The following WASHC2C variants were observed in gnomAD, a reference collection of about 807,000 sequenced individuals.
The protein encoded by WASHC2C is Vaccinia Penetration Factor.
Under a neutral mutation model 142.2 loss-of-function variants are expected in WASHC2C, and 73 were observed. The ratio of observed to expected loss-of-function variants is 0.51; its 90% CI spans 0.43 to 0.62. The LOEUF is 0.62. WASHC2C is among the 20% of genes least tolerant of loss of function. WASHC2C has a pLI of 0.00. For missense variants in WASHC2C, 969 were observed against 1,531.7 expected, an observed-to-expected ratio of 0.63 and a Z score of 6.13; for synonymous variants, 337 against 565.5, an observed-to-expected ratio of 0.60 and a Z score of 5.73.
At chr10:45,750,254 T>C in intron 9 of WASHC2C, 48 bp downstream of exon 9, 2 of 1,587,376 alleles carry the variant, frequency 1.3e-6, no homozygotes, top group Non-Finnish European at 1.7e-6. Flanking sequence ...TTAGAACCAA[T>C]GACTTGTTTT....
intron 23 of WASHC2C, among the ~76,000 whole-genome samples, chr10:45,779,713 A>T (rs1589902563): frequency 6.6e-6 from 1 of 152,074 alleles, no homozygotes; most frequent in Admixed American, 6.6e-5. Context: ...TCAGCTGGGC[A>T]TGGTGGCTCA....
chr10:45,792,014 C>T lies in WASHC2C; in HGVS notation c.3887-247C>T, dbSNP rs1193042098. 6.9e-3 allele frequency among the ~76,000 whole-genome samples: 1,010 copies of T among 145,436 alleles called. 90 individuals are homozygous for T. The highest frequency in any genetic ancestry group is 0.024 in the African/African-American group (973 of 39,848). ...TTACCCTTCCCTTTTTTCTGTCCTG[C>T]ACACGCACATACATACACTTTTGTA... On this transcript the variant is annotated intron_variant, in intron 30 of 30. Transcript: ENST00000623400.
At chr10:45,727,111 A>G, upstream of WASHC2C, 1 of 1,398,068 alleles carries the variant, frequency 7.2e-7, no homozygotes, top group Non-Finnish European at 9.3e-7. Context: ...AACCTAGGGT[A>G]GAACCCCAAA....
At chr10:45,764,536 T>C (rs1214268409) in intron 18 of WASHC2C, among the ~76,000 whole-genome samples, 2 of 149,436 alleles carry the variant, frequency 1.3e-5, no homozygotes, top group East Asian at 2.0e-4. Context: ...CTGACCATTG[T>C]CTTTCTTTCC....
At chr10:45,749,683 G>A (rs2053292338) in intron 8 of WASHC2C, among the ~76,000 whole-genome samples, 1 of 150,782 alleles carries the variant, frequency 6.6e-6, no homozygotes, top group Non-Finnish European at 1.5e-5. Context: ...AAAATTTGCT[G>A]GGCGTAGTGG....
At chr10:45,759,744 G>A (rs868918027) in intron 17 of WASHC2C, among the ~76,000 whole-genome samples, 10 of 151,244 alleles carry the variant, frequency 6.6e-5, no homozygotes, top group African/African-American at 1.7e-4. Context: ...ACTTGAACCC[G>A]GGAGGCAGAA....
rs1337402427 is a variant in WASHC2C at position 45,729,027 on chromosome 10, G to C, written c.291+1G>C. ...CTCTAATACCCAGTTCATAGAGAATGTGAGTTATTTAGTTATATTATAATT... is the reference window on the plus strand; with the variant it reads ...CTCTAATACCCAGTTCATAGAGAATCTGAGTTATTTAGTTATATTATAATT... On this transcript the variant is annotated splice_donor_variant, in intron 3 of 30. Coordinates refer to ENST00000623400, the MANE Select transcript of WASHC2C (RefSeq NM_001330074.2). LOFTEE classifies it high-confidence loss of function. 6.8e-6 allele frequency: 11 copies of C among 1,610,554 alleles called. No homozygotes were observed. The highest frequency in any genetic ancestry group is 8.5e-6 in the Non-Finnish European group (10 of 1,178,866).
chr10:45,728,666 A>C (rs1161319088), intron 2 of WASHC2C, among the ~76,000 whole-genome samples, 196 bp from the exon 3 acceptor site: 1 of 151,242 alleles, frequency 6.6e-6, no homozygotes, highest in Non-Finnish European at 1.5e-5. Flanking sequence ...TGAACGCGGG[A>C]GGTGCAGTGA....
At chr10:45,770,866 C>T (rs1589850253) in intron 20 of WASHC2C, among the ~76,000 whole-genome samples, 1 of 152,174 alleles carries the variant, frequency 6.6e-6, no homozygotes, top group East Asian at 1.9e-4. Flanking sequence ...GCATTTCTCT[C>T]ATCGGTTTGT....
intron 16 of WASHC2C, among the ~76,000 whole-genome samples, chr10:45,757,862 C>T (rs1230752767): frequency 1.3e-5 from 2 of 152,254 alleles, no homozygotes; most frequent in African/African-American, 4.8e-5. Flanking sequence ...TGCTGCTCAC[C>T]TCACCTCCTG....
At chr10:45,767,475 GT>G (rs1358942135) in intron 19 of WASHC2C, among the ~76,000 whole-genome samples, 82 of 152,376 alleles carry the variant, frequency 5.4e-4, no homozygotes, top group African/African-American at 1.9e-3. Flanking sequence ...AGATTATCCA[GT>G]TTTTTTCTTT....
chr10:45,761,079 C>T (rs551892215), intron 17 of WASHC2C, among the ~76,000 whole-genome samples: 31 of 152,096 alleles, frequency 2.0e-4, no homozygotes, highest in South Asian at 4.1e-4. Flanking sequence ...GTTTTGTTGT[C>T]TCACAGTTCG....
In WASHC2C at chr10:45,757,098, G is replaced by A. The variant is rs1271530540; in HGVS notation, c.1507G>A (p.Val503Met). ...AGCCGTAGCATCGCCAGAAGCCACT[G>A]TGAGTCAGACAGATGAAAATAAAGC... ...EKAVASPEAT[V>M]SQTDENKARA... Residue 503 changes from valine (V) to methionine (M), a missense_variant, in exon 16 of 31, where the codon GTG (valine) becomes ATG (methionine). Physicochemically the swap from Val to Met is conservative, Grantham distance 21. Transcript: ENST00000623400. 1.2e-6 allele frequency: 2 copies of A among 1,608,178 alleles called. No individual in the cohort carries two copies. The highest frequency in any genetic ancestry group is 2.2e-5 in the East Asian group (1 of 44,820).
Position 45,789,105 on chromosome 10 carries a change from G to A in WASHC2C, c.3322G>A (p.Val1108Met). Reference protein sequence around the residue: ...AAAAPWEGGPVPGVDTSPFAK... With the variant: ...AAAAPWEGGPMPGVDTSPFAK... The stretch of plus-strand genomic sequence containing the variant: ...CGCTGCACCTTGGGAAGGTGGTCCT[G>A]TGCCTGGAGTGGACACAAGCCCCTT... Residue 1108 changes from valine to methionine, a missense_variant, in exon 29 of 31, where the codon GTG becomes ATG. Physicochemically the swap from Val to Met is conservative, Grantham distance 21. Transcript: ENST00000623400. 1 of 1,612,100 alleles carries A rather than the reference G, an allele frequency of 6.2e-7. No individual in the cohort carries two copies. The highest frequency in any genetic ancestry group is 8.5e-7 in the Non-Finnish European group (1 of 1,179,878).
At chr10:45,785,902 A>T in intron 26 of WASHC2C, 1 of 461,722 alleles carries the variant, frequency 2.2e-6, no homozygotes, top group South Asian at 3.5e-5. Flanking sequence ...TAGGATGAAG[A>T]ATCTTCTTCC....
chr10:45,731,589 G>C (rs1397516310), intron 3 of WASHC2C, among the ~76,000 whole-genome samples: 1 of 149,894 alleles, frequency 6.7e-6, no homozygotes, highest in Non-Finnish European at 1.5e-5. Context: ...ATGCCCCTTC[G>C]CCTTCCAGTC....
intron 5 of WASHC2C, among the ~76,000 whole-genome samples, chr10:45,742,953 G>T (rs1204640241): frequency 6.8e-6 from 1 of 146,480 alleles, no homozygotes; most frequent in African/African-American, 2.5e-5. Flanking sequence ...TCAGCTCACT[G>T]CAACACTGTT....
At chr10:45,769,330 G>A in intron 19 of WASHC2C, 119 bp from the exon 20 acceptor site, 1 of 1,440,528 alleles carries the variant, frequency 6.9e-7, no homozygotes, top group South Asian at 1.3e-5. Flanking sequence ...GTGTTAGCAA[G>A]GATGGTCTTG....
At chr10:45,730,952 C>G (rs2050503561) in intron 3 of WASHC2C, among the ~76,000 whole-genome samples, 1 of 150,904 alleles carries the variant, frequency 6.6e-6, no homozygotes. Flanking sequence ...TGTGCCTGTA[C>G]CAGATTGGTA....
Sources: gnomAD v4.1 joint callset for allele counts (sites outside exome capture counted in the v4.1 genomes callset) on GRCh38, gnomAD v4.1.1 for gene constraint, MANE v1.5 for transcripts, NCBI Gene and HGNC (gene_info 2026-07-23, HGNC 2026-07-21) for gene names.